COL26A1: variants seen among roughly 807,000 people sequenced by gnomAD.
COL26A1 encodes the protein collagen type XXVI alpha 1 chain, also known as collagen alpha-1(XXVI) chain.
A neutral mutation model predicts 59.3 loss-of-function variants in COL26A1; 41 were observed. That is an observed-to-expected ratio of 0.69 (90% CI 0.54 to 0.90). The LOEUF (loss-of-function observed/expected upper bound fraction) is 0.90. Ranked by LOEUF, COL26A1 falls within the 40% of genes least tolerant of loss-of-function variation. The pLI is 0.00. For synonymous variants in COL26A1, 266 were observed against 256.0 expected (o/e 1.04, Z -0.37); for missense variants, 612 against 602.3 (o/e 1.02, Z -0.17).
chr7:101,442,870 AGT>A (rs1479057371), intron 2 of COL26A1, among the ~76,000 whole-genome samples: 7 of 152,066 alleles, frequency 4.6e-5, no homozygotes, highest in African/African-American at 1.2e-4. Flanking sequence ...AGTGTGCACG[AGT>A]GTGTTTGTGC....
At chr7:101,364,318 C>A (rs1790989204) in intron 1 of COL26A1, among the ~76,000 whole-genome samples, 1 of 148,514 alleles carries the variant, frequency 6.7e-6, no homozygotes, top group South Asian at 2.1e-4. Flanking sequence ...GTGTCTGTTC[C>A]CTCCGTCTCT....
At chr7:101,514,296 C>T (rs1794984921) in intron 3 of COL26A1, among the ~76,000 whole-genome samples, 1 of 151,960 alleles carries the variant, frequency 6.6e-6, no homozygotes, top group Non-Finnish European at 1.5e-5. Context: ...CAAGATCACG[C>T]CACTGCACTC....
chr7:101,510,305 C>T (rs913772253), intron 3 of COL26A1, among the ~76,000 whole-genome samples: 1 of 152,134 alleles, frequency 6.6e-6, no homozygotes, highest in Non-Finnish European at 1.5e-5. Flanking sequence ...GGATTACAGG[C>T]GTGAGCCACT....
At chr7:101,437,854 G>A (rs1159230326) in intron 2 of COL26A1, among the ~76,000 whole-genome samples, 1 of 151,784 alleles carries the variant, frequency 6.6e-6, no homozygotes, top group Admixed American at 6.6e-5. Flanking sequence ...GGGGACTACA[G>A]GCATGCACCA....
chr7:101,414,673 G>A (rs1289783242), intron 1 of COL26A1, among the ~76,000 whole-genome samples: 1 of 152,156 alleles, frequency 6.6e-6, no homozygotes, highest in Non-Finnish European at 1.5e-5. Context: ...CTGACCTCAT[G>A]TGATCCGCCC....
chr7:101,363,008 G>A lies in COL26A1; in HGVS notation c.-25G>A, dbSNP rs919909906. The A allele has an allele frequency of 1.9e-6, 3 of 1,560,456 alleles. No individual in the cohort carries two copies. The highest frequency in any genetic ancestry group is 2.6e-6 in the Non-Finnish European group (3 of 1,163,236). On this transcript the variant is annotated 5_prime_UTR_variant, in exon 1 of 13. Coordinates refer to ENST00000313669, the MANE Select transcript of COL26A1 (RefSeq NM_001278563.3). Reference sequence around the variant, plus strand: ...TGCCGGTCCTCGTGCCCGGGACTCCGGGTCCCCGCGGGCTGCTGCGCACGA... The same window carrying A: ...TGCCGGTCCTCGTGCCCGGGACTCCAGGTCCCCGCGGGCTGCTGCGCACGA...
chr7:101,387,758 A>ATTTT, intron 1 of COL26A1, among the ~76,000 whole-genome samples: 1 of 47,672 alleles, frequency 2.1e-5, no homozygotes, highest in East Asian at 3.1e-4. Context: ...ATATATTTAT[A>ATTTT]TATATATATA....
intron 3 of COL26A1, among the ~76,000 whole-genome samples, chr7:101,472,299 C>T (rs1342409387): frequency 6.6e-6 from 1 of 152,210 alleles, no homozygotes; most frequent in African/African-American, 2.4e-5. Flanking sequence ...AGCCGCTGTG[C>T]TCAGCCTTGA....
chr7:101,505,881 C>T (rs945794667), intron 3 of COL26A1, among the ~76,000 whole-genome samples: 23 of 152,130 alleles, frequency 1.5e-4, no homozygotes, highest in African/African-American at 2.7e-4. Context: ...TCTTATAAGA[C>T]GGGGAAACTG....
At chr7:101,408,733 T>A (rs1366101259) in intron 1 of COL26A1, among the ~76,000 whole-genome samples, 2 of 152,230 alleles carry the variant, frequency 1.3e-5, no homozygotes, top group Non-Finnish European at 2.9e-5. Flanking sequence ...AGTGCAGGAC[T>A]TCATATTTGC....
intron 11 of COL26A1, 27 bp downstream of exon 11, chr7:101,553,403 C>T (rs1208405862): frequency 1.2e-6 from 2 of 1,609,864 alleles, no homozygotes; most frequent in South Asian, 1.1e-5. Flanking sequence ...TTCACGTTCC[C>T]TCCCGCCTCC....
At chr7:101,556,076 C>G (rs1194479096) in intron 12 of COL26A1, among the ~76,000 whole-genome samples, 1 of 152,232 alleles carries the variant, frequency 6.6e-6, no homozygotes, top group Non-Finnish European at 1.5e-5. Flanking sequence ...TTCCCAGCCC[C>G]TCCCTAGTAT....
intron 3 of COL26A1, among the ~76,000 whole-genome samples, chr7:101,520,305 A>G (rs1261793193): frequency 6.6e-6 from 1 of 152,142 alleles, no homozygotes; most frequent in Non-Finnish European, 1.5e-5. Context: ...TCAGCTAGAG[A>G]CGGTGCAGAA....
At chr7:101,499,828 G>A (rs1794662574) in intron 3 of COL26A1, among the ~76,000 whole-genome samples, 1 of 149,688 alleles carries the variant, frequency 6.7e-6, no homozygotes, top group African/African-American at 2.5e-5. Flanking sequence ...AGTGAGCCAT[G>A]TTGTTCACAT....
In COL26A1 at chr7:101,553,338, G is replaced by T. The variant is rs376558453; in HGVS notation, c.1042G>T (p.Val348Leu). 1.2e-6 allele frequency: 2 copies of T among 1,613,672 alleles called. No individual in the cohort carries two copies. The highest frequency in any genetic ancestry group is 2.7e-5 in the African/African-American group (2 of 74,944). Residue 348 changes from valine (V) to leucine (L), a missense_variant, in exon 11 of 13, where the codon GTG becomes TTG. Val to Leu is a conservative substitution (Grantham distance 32, BLOSUM62 1). Transcript: ENST00000313669. Reference protein sequence around the residue: ...GTVGPSGEPGVKGEEGEKAAT... With the variant: ...GTVGPSGEPGLKGEEGEKAAT... Reference sequence around the variant, plus strand: ...ACTTGCTTCTTAGGGTGAACCTGGCGTGAAGGGGGAAGAAGGAGAGAAAGC... The same window carrying T: ...ACTTGCTTCTTAGGGTGAACCTGGCTTGAAGGGGGAAGAAGGAGAGAAAGC...
intron 1 of COL26A1, among the ~76,000 whole-genome samples, chr7:101,388,131 T>C (rs1023349488): frequency 1.5e-4 from 22 of 151,548 alleles, no homozygotes; most frequent in African/African-American, 5.1e-4. Flanking sequence ...TACATTGTCA[T>C]GCAATCACCA....
At chr7:101,431,169 G>A (rs1233865584) in intron 2 of COL26A1, among the ~76,000 whole-genome samples, 1 of 152,298 alleles carries the variant, frequency 6.6e-6, no homozygotes, top group East Asian at 1.9e-4. Context: ...TTGAATAGGA[G>A]TGGTAAGTGT....
At position 101,489,660 on chromosome 7, in the gene COL26A1, T is replaced by TCTTTCTTTCTTTCTTTCTTC. The variant is rs1491503013; in HGVS notation, c.385+41876_385+41877insTCTTTCTTTCTTTCTTCCTT. Among the ~76,000 whole-genome samples the TCTTTCTTTCTTTCTTTCTTC allele has an allele frequency of 2.3e-4, 11 of 48,650 alleles. 1 individual carries two copies. Among genetic ancestry groups the TCTTTCTTTCTTTCTTTCTTC allele is most frequent in the Middle Eastern group, 9.4e-3 (1 of 106 alleles). The allele number at this position is 48,650 out of a possible 152,430, so 31.9% of individuals were successfully genotyped here. On this transcript the variant is annotated intron_variant, in intron 3 of 12. Coordinates refer to ENST00000313669, the MANE Select transcript of COL26A1 (RefSeq NM_001278563.3). ...TTCTTTCTTTCTTTCTTTCTTTCTTTCTTCCTTCCTTCCTTCCTTCCTTTC... is the reference window on the plus strand; with the variant it reads ...TTCTTTCTTTCTTTCTTTCTTTCTTTCTTTCTTTCTTTCTTTCTTCCTTCCTTCCTTCCTTCCTTCCTTTC...
intron 3 of COL26A1, among the ~76,000 whole-genome samples, chr7:101,525,228 C>A (rs1795218834): frequency 8.0e-6 from 1 of 124,478 alleles, no homozygotes; most frequent in Non-Finnish European, 1.6e-5. Context: ...GTCACCCAGG[C>A]TGGAATGCAG....
Sources: allele counts gnomAD v4.1 joint callset (sites outside exome capture counted in the v4.1 genomes callset), GRCh38; gene constraint gnomAD v4.1.1; transcripts MANE v1.5; gene names NCBI Gene and HGNC (gene_info 2026-07-23, HGNC 2026-07-21).